Variants in CCDC171 observed in about 807,000 individuals in gnomAD.
CCDC171 encodes the protein coiled-coil domain containing 171.
In CCDC171, 177 loss-of-function variants were observed where a neutral mutation model predicts 168.2. The ratio of observed to expected loss-of-function variants is 1.05; its 90% confidence interval spans 0.93 to 1.19. The LOEUF (loss-of-function observed/expected upper bound fraction) is 1.19, where lower values mean the gene tolerates loss of function less well. CCDC171 is among the 50% of genes most tolerant of loss of function. The probability of loss-of-function intolerance (pLI) is 0.00; values close to 1 mark genes in which losing one functional copy is unlikely to be tolerated. For missense variants in CCDC171, 1,991 were observed against 1,539.0 expected (o/e 1.29, Z -4.91); for synonymous variants, 687 against 540.8 (o/e 1.27, Z -3.75).
At chr9:15,792,188 G>T (rs1315277062) in intron 21 of CCDC171, among the ~76,000 whole-genome samples, 1 of 152,238 alleles carries the variant, frequency 6.6e-6, no homozygotes, top group Non-Finnish European at 1.5e-5. Flanking sequence ...ACAAGCTTCA[G>T]TAGCTGATTT....
the CCDC171 span, among the ~76,000 whole-genome samples, chr9:16,086,996 T>A: frequency 0.038 from 5,730 of 152,322 alleles, 168 homozygotes; most frequent in Non-Finnish European, 0.053. Flanking sequence ...TACCCAGTAG[T>A]CTTTCAGGAG....
intron 7 of CCDC171, 60 bp downstream of exon 7, chr9:15,623,473 GCGCACACACACACACACACA>G: frequency 2.2e-6 from 1 of 464,174 alleles, no homozygotes; most frequent in Non-Finnish European, 3.6e-6. Flanking sequence ...ATGCGCGCGC[GCGCACACACACACACACACA>G]CACACACACA....
chr9:15,929,987 A>G (rs556669940), intron 25 of CCDC171, among the ~76,000 whole-genome samples: 113 of 151,758 alleles, frequency 7.4e-4, no homozygotes, highest in African/African-American at 2.6e-3. Flanking sequence ...TTGTCACTGT[A>G]TTTACATGTG....
chr9:15,642,314 C>CACATAT (rs200134372), intron 7 of CCDC171, among the ~76,000 whole-genome samples: 2 of 76,286 alleles, frequency 2.6e-5, no homozygotes, highest in African/African-American at 1.0e-4. Context: ...TATGTATACA[C>CACATAT]GTATATATAT....
chr9:15,907,220 A>G (rs989095999), intron 24 of CCDC171, among the ~76,000 whole-genome samples: 1 of 152,212 alleles, frequency 6.6e-6, no homozygotes, highest in Non-Finnish European at 1.5e-5. Flanking sequence ...AGCCAAAAGA[A>G]CAAAGCTGGA....
At chr9:16,102,325 A>G in the CCDC171 span, among the ~76,000 whole-genome samples, 1 of 152,076 alleles carries the variant, frequency 6.6e-6, no homozygotes, top group Non-Finnish European at 1.5e-5. Context: ...TTGCTCTCCT[A>G]CACACCTTCC....
chr9:15,587,042 G>A (rs1397747747), intron 4 of CCDC171, among the ~76,000 whole-genome samples: 1 of 152,052 alleles, frequency 6.6e-6, no homozygotes, highest in Non-Finnish European at 1.5e-5. Context: ...CAAACCCTTG[G>A]CCACAATCAA....
At chr9:15,823,798 T>C (rs1282702951) in intron 21 of CCDC171, among the ~76,000 whole-genome samples, 1 of 152,160 alleles carries the variant, frequency 6.6e-6, no homozygotes, top group Non-Finnish European at 1.5e-5. Flanking sequence ...TAAAATGCTT[T>C]ACACAGATTT....
intron 6 of CCDC171, among the ~76,000 whole-genome samples, chr9:15,609,726 A>G (rs2043510498): frequency 6.6e-6 from 1 of 152,118 alleles, no homozygotes; most frequent in Non-Finnish European, 1.5e-5. Flanking sequence ...TTTATTCATT[A>G]TACCTTTAGA....
chr9:15,582,126 C>T (rs1325296236), intron 4 of CCDC171, among the ~76,000 whole-genome samples: 1 of 152,182 alleles, frequency 6.6e-6, no homozygotes, highest in Non-Finnish European at 1.5e-5. Context: ...AGGATATGAA[C>T]AGACACTTCT....
At chr9:15,566,813 T>C (rs1033346584) in intron 2 of CCDC171, among the ~76,000 whole-genome samples, 7 of 152,188 alleles carry the variant, frequency 4.6e-5, no homozygotes, top group Non-Finnish European at 7.3e-5. Context: ...TTTTAGCTCT[T>C]ATATTTAGTG....
chr9:15,901,882 A>G (rs1821716923), intron 24 of CCDC171, among the ~76,000 whole-genome samples: 1 of 152,212 alleles, frequency 6.6e-6, no homozygotes, highest in South Asian at 2.1e-4. Context: ...TTTACATAGT[A>G]CAGTCTTTAT....
intron 25 of CCDC171, among the ~76,000 whole-genome samples, chr9:15,948,899 T>C (rs1208027068): frequency 2.0e-5 from 3 of 152,138 alleles, no homozygotes; most frequent in African/African-American, 7.2e-5. Context: ...TCCTTGCCCA[T>C]GCCTATGTCC....
At chr9:15,719,055 C>G (rs1444133677) in intron 11 of CCDC171, among the ~76,000 whole-genome samples, 1 of 152,002 alleles carries the variant, frequency 6.6e-6, no homozygotes, top group Non-Finnish European at 1.5e-5. Context: ...TTCAAAAGAA[C>G]TGTTTTGAGG....
intron 1 of CCDC171, among the ~76,000 whole-genome samples, chr9:15,554,046 G>A (rs1222723915): frequency 6.8e-6 from 1 of 147,976 alleles, no homozygotes; most frequent in Non-Finnish European, 1.5e-5. Flanking sequence ...TTGAGATGGA[G>A]TCTTGCTCTG....
chr9:15,993,332 C>G (rs1425829775), intron 3 of CCDC171, among the ~76,000 whole-genome samples: 1 of 152,124 alleles, frequency 6.6e-6, no homozygotes, highest in East Asian at 1.9e-4. Flanking sequence ...CTGACAAAAA[C>G]AAGCAATGGG....
At chr9:15,669,767 A>G (rs2048976606) in intron 9 of CCDC171, among the ~76,000 whole-genome samples, 1 of 152,134 alleles carries the variant, frequency 6.6e-6, no homozygotes, top group Non-Finnish European at 1.5e-5. Flanking sequence ...GACTGCATCT[A>G]AATTTATTTC....
At chr9:15,563,774 C>G (rs1238572019) in intron 1 of CCDC171, among the ~76,000 whole-genome samples, 2 of 152,174 alleles carry the variant, frequency 1.3e-5, no homozygotes, top group Non-Finnish European at 2.9e-5. Flanking sequence ...TTAGTCATTT[C>G]TCAGCACTGA....
intron 9 of CCDC171, 148 bp downstream of exon 9, chr9:15,666,471 T>A (rs940786999): frequency 1.4e-5 from 8 of 565,422 alleles, no homozygotes; most frequent in Admixed American, 3.1e-5. Context: ...AACATAACTA[T>A]ACTTTCCTGT....
Sources: gnomAD v4.1 joint callset for allele counts (sites outside exome capture counted in the v4.1 genomes callset) on GRCh38, gnomAD v4.1.1 for gene constraint, MANE v1.5 for transcripts, NCBI Gene and HGNC (gene_info 2026-07-23, HGNC 2026-07-21) for gene names.